LUZP2: variants seen among roughly 807,000 people sequenced by gnomAD.
LUZP2 encodes leucine zipper protein 2.
Under a neutral mutation model 51.6 loss-of-function variants are expected in LUZP2, and 52 were observed. The observed-to-expected ratio is 1.01, with a 90% confidence interval of 0.81 to 1.27. The LOEUF (loss-of-function observed/expected upper bound fraction) is 1.27. Ranked by LOEUF, LUZP2 falls within the 50% of genes most tolerant of loss-of-function variation. The pLI is 0.00. For synonymous variants in LUZP2, 154 were observed against 137.3 expected, an observed-to-expected ratio of 1.12 and a Z score of -0.85; for missense variants, 436 against 395.4, an observed-to-expected ratio of 1.10 and a Z score of -0.87.
At chr11:24,750,248 C>T (rs1448792691) in intron 4 of LUZP2, among the ~76,000 whole-genome samples, 1 of 152,110 alleles carries the variant, frequency 6.6e-6, no homozygotes, top group Non-Finnish European at 1.5e-5. Context: ...TTAAAGACTC[C>T]ACAGAGATCT....
At chr11:25,001,100 T>C (rs942940905) in intron 9 of LUZP2, among the ~76,000 whole-genome samples, 1 of 152,204 alleles carries the variant, frequency 6.6e-6, no homozygotes, top group Admixed American at 6.5e-5. Flanking sequence ...AATATATGTT[T>C]ACACTGTTAA....
intron 6 of LUZP2, among the ~76,000 whole-genome samples, chr11:24,906,294 T>C (rs1163485201): frequency 1.3e-5 from 2 of 152,064 alleles, no homozygotes; most frequent in Non-Finnish European, 2.9e-5. Context: ...GATTTTTTTT[T>C]TTCTGGATTT....
At chr11:25,058,195 T>C (rs928050682) in intron 10 of LUZP2, among the ~76,000 whole-genome samples, 3 of 151,982 alleles carry the variant, frequency 2.0e-5, no homozygotes, top group Non-Finnish European at 4.4e-5. Flanking sequence ...TCCCTCCAAA[T>C]AGTGTAGGAA....
chr11:24,643,891 C>G (rs960352904), intron 1 of LUZP2, among the ~76,000 whole-genome samples: 13 of 152,142 alleles, frequency 8.5e-5, no homozygotes, highest in African/African-American at 3.1e-4. Flanking sequence ...TGGGATAATT[C>G]TAATTAATAG....
intron 5 of LUZP2, among the ~76,000 whole-genome samples, chr11:24,858,335 T>C (rs1851632076): frequency 6.6e-6 from 1 of 152,162 alleles, no homozygotes; most frequent in Non-Finnish European, 1.5e-5. Context: ...TGATAAACTA[T>C]AGCCACTATA....
At chr11:24,901,495 A>G (rs1292266230) in intron 5 of LUZP2, among the ~76,000 whole-genome samples, 2 of 152,152 alleles carry the variant, frequency 1.3e-5, no homozygotes, top group Non-Finnish European at 2.9e-5. Flanking sequence ...AAAATTCTTC[A>G]TGACTTTGAA....
At chr11:25,040,575 C>T (rs571368561) in intron 9 of LUZP2, among the ~76,000 whole-genome samples, 68 of 152,152 alleles carry the variant, frequency 4.5e-4, no homozygotes, top group African/African-American at 1.6e-3. Flanking sequence ...ATTTGATTCT[C>T]CTAACTCAGT....
chr11:24,922,646 T>C (rs1288166291), intron 7 of LUZP2, among the ~76,000 whole-genome samples: 1 of 152,072 alleles, frequency 6.6e-6, no homozygotes, highest in African/African-American at 2.4e-5. Context: ...ACAATATTAT[T>C]TTCTTACATG....
At chr11:24,722,115 A>G (rs1040412250) in intron 1 of LUZP2, among the ~76,000 whole-genome samples, 4 of 152,254 alleles carry the variant, frequency 2.6e-5, no homozygotes, top group Admixed American at 2.6e-4. Flanking sequence ...AAGTGAAATA[A>G]GTAAATTAAC....
At chr11:24,707,283 T>C (rs1237253606) in intron 1 of LUZP2, among the ~76,000 whole-genome samples, 1 of 151,208 alleles carries the variant, frequency 6.6e-6, no homozygotes, top group Admixed American at 6.6e-5. Flanking sequence ...TCTATCTCTC[T>C]CTCTCTCTCT....
At chr11:24,661,156 A>ATT (rs146160851) in intron 1 of LUZP2, among the ~76,000 whole-genome samples, 83 of 151,054 alleles carry the variant, frequency 5.5e-4, no homozygotes, top group Middle Eastern at 3.4e-3. Flanking sequence ...TTCTTTTTAC[A>ATT]TTTTTTTTTG....
At chr11:24,769,366 A>C (rs1307152509) in intron 5 of LUZP2, among the ~76,000 whole-genome samples, 1 of 152,150 alleles carries the variant, frequency 6.6e-6, no homozygotes. Flanking sequence ...TGTATTTCAA[A>C]ATAGTTAGAA....
chr11:24,832,333 A>AAAAAT (rs1471834660), intron 5 of LUZP2, among the ~76,000 whole-genome samples: 1 of 151,616 alleles, frequency 6.6e-6, no homozygotes, highest in African/African-American at 2.4e-5. Flanking sequence ...CAAGCAAGAA[A>AAAAAT]AAAATAAAAT....
intron 5 of LUZP2, among the ~76,000 whole-genome samples, chr11:24,857,059 A>T (rs1851588267): frequency 6.6e-6 from 1 of 151,862 alleles, no homozygotes; most frequent in Non-Finnish European, 1.5e-5. Flanking sequence ...CACATAACAA[A>T]CTGCCCTTGT....
chr11:24,581,670 AAAATATAAATAT>A (rs11267210), intron 1 of LUZP2, among the ~76,000 whole-genome samples: 32,649 of 136,720 alleles, frequency 0.24, 4,137 homozygotes, highest in African/African-American at 0.26. Context: ...GACTCTGTCT[AAAATATAAATAT>A]AAATATAAAT....
At chr11:24,725,048 T>C (rs1858421160) in intron 1 of LUZP2, among the ~76,000 whole-genome samples, 1 of 152,184 alleles carries the variant, frequency 6.6e-6, no homozygotes, top group African/African-American at 2.4e-5. Context: ...AATATAATTA[T>C]AATGCAAATG....
intron 2 of LUZP2, 88 bp from the exon 3 acceptor site, chr11:24,732,030 A>C (rs1178805691): frequency 3.5e-6 from 3 of 867,268 alleles, no homozygotes; most frequent in Non-Finnish European, 5.5e-6. Context: ...GCATATGTGC[A>C]GTCCTATCTA....
chr11:24,789,087 A>C (rs1356342463), intron 5 of LUZP2, among the ~76,000 whole-genome samples: 2 of 152,158 alleles, frequency 1.3e-5, no homozygotes, highest in Non-Finnish European at 2.9e-5. Context: ...CATAGTGTTC[A>C]TGGACCCTTG....
chr11:24,987,206 A>G (rs911315035), intron 9 of LUZP2, among the ~76,000 whole-genome samples: 1 of 151,970 alleles, frequency 6.6e-6, no homozygotes, highest in African/African-American at 2.4e-5. Flanking sequence ...ACATGAAAAC[A>G]CCTGAAGAAA....
Sources: gnomAD v4.1 joint callset for allele counts (sites outside exome capture counted in the v4.1 genomes callset) on GRCh38, gnomAD v4.1.1 for gene constraint, MANE v1.5 for transcripts, NCBI Gene and HGNC (gene_info 2026-07-23, HGNC 2026-07-21) for gene names.